The following PEMT variants were observed in gnomAD, a reference collection of about 807,000 sequenced individuals.
PEMT encodes the protein phosphatidylethanolamine N-methyltransferase, also known as phospholipid methyltransferase.
A neutral mutation model predicts 27.4 loss-of-function variants in PEMT; 23 were observed. The ratio of observed to expected loss-of-function variants is 0.84; its 90% CI spans 0.60 to 1.19. The LOEUF (loss-of-function observed/expected upper bound fraction) is 1.19. PEMT is among the 50% of genes most tolerant of loss of function. The probability of loss-of-function intolerance (pLI) is 0.00; values close to 1 mark genes in which losing one functional copy is unlikely to be tolerated. For missense variants in PEMT, 307 were observed against 310.1 expected (o/e 0.99, Z 0.07); for synonymous variants, 137 against 139.1 (o/e 0.98, Z 0.11).
chr17:17,509,659 G>T, intron 4 of PEMT, 114 bp from the exon 5 acceptor site: 1 of 744,446 alleles, frequency 1.3e-6, no homozygotes, highest in South Asian at 1.5e-5. Flanking sequence ...ACAGGGCCCT[G>T]CCCTCCAGGA....
chr17:17,568,638 C>T (rs936546391), intron 2 of PEMT, among the ~76,000 whole-genome samples: 1 of 152,176 alleles, frequency 6.6e-6, no homozygotes, highest in African/African-American at 2.4e-5. Flanking sequence ...CCTACAAGGT[C>T]GGCTTTCCCG....
At chr17:17,578,876 T>C (rs1002219299) in intron 1 of PEMT, 1 of 152,110 alleles carries the variant, frequency 6.6e-6, no homozygotes, top group Non-Finnish European at 1.5e-5. Flanking sequence ...TGTATACCTA[T>C]GTACAAACCT....
At chr17:17,515,372 G>A (rs1465283949) in intron 3 of PEMT, among the ~76,000 whole-genome samples, 2 of 152,230 alleles carry the variant, frequency 1.3e-5, no homozygotes, top group Non-Finnish European at 2.9e-5. Context: ...TCCGGGGCCA[G>A]GGAGCGGGTG....
At chr17:17,588,124 TTCTG>T (rs1303125639) in intron 1 of PEMT, among the ~76,000 whole-genome samples, 1 of 152,126 alleles carries the variant, frequency 6.6e-6, no homozygotes, top group Non-Finnish European at 1.5e-5. Flanking sequence ...CTCCAAGAGT[TTCTG>T]TCATTGTTTT....
intron 3 of PEMT, among the ~76,000 whole-genome samples, chr17:17,514,997 G>A (rs1336027934): frequency 6.6e-6 from 1 of 152,224 alleles, no homozygotes; most frequent in Non-Finnish European, 1.5e-5. Context: ...CCTCGGCCCG[G>A]CAGGGTTTGG....
At chr17:17,547,159 G>A (rs913169992) in intron 2 of PEMT, among the ~76,000 whole-genome samples, 2 of 152,266 alleles carry the variant, frequency 1.3e-5, no homozygotes, top group Admixed American at 6.5e-5. Context: ...AAGGAGCTCC[G>A]AGGTGCTATT....
intron 2 of PEMT, among the ~76,000 whole-genome samples, chr17:17,566,167 A>G (rs1163318902): frequency 2.0e-5 from 3 of 152,214 alleles, no homozygotes; most frequent in Non-Finnish European, 2.9e-5. Context: ...AATGGGGTAA[A>G]GCAAATAACA....
intron 3 of PEMT, among the ~76,000 whole-genome samples, chr17:17,515,105 G>T (rs1233653934): frequency 6.6e-6 from 1 of 152,188 alleles, no homozygotes; most frequent in Non-Finnish European, 1.5e-5. Context: ...AGACGCTGGA[G>T]GGTCACTCTG....
Position 17,553,342 on chromosome 17 carries a change from G to A in PEMT, c.204+23578C>T, listed in dbSNP as rs1007493375. On this transcript the variant is annotated intron_variant, in intron 2 of 6. Coordinates refer to ENST00000255389, the MANE Select transcript of PEMT (RefSeq NM_148172.3). ...GAACTTGGCTGCGGGGATGCAGGGC[G>A]CCTGCACACTTCGGACTTTCCCTGT... is the stretch of plus-strand genomic sequence containing the variant. 2.0e-5 allele frequency among the ~76,000 whole-genome samples: 3 copies of A among 152,192 alleles called. No homozygotes were observed. In the South Asian group the frequency reaches 6.2e-4, roughly 31 times the overall value.
intron 2 of PEMT, among the ~76,000 whole-genome samples, chr17:17,529,422 G>A (rs1185173562): frequency 1.3e-5 from 2 of 152,220 alleles, no homozygotes; most frequent in Admixed American, 6.5e-5. Context: ...ACGTGACACA[G>A]CCTGCTCGAG....
At chr17:17,586,255 AGAAAGAAAGAAAGAAAGAAAGAAAGAAAG>A (rs1912273061) in intron 1 of PEMT, among the ~76,000 whole-genome samples, 17 of 114,616 alleles carry the variant, frequency 1.5e-4, no homozygotes, top group African/African-American at 6.3e-4. Context: ...AAAGAAAGAA[AGAAAGAAAGAAAGAAAGAAAGAAAGAAAG>A]AAAGAAAAAA....
chr17:17,524,833 G>T (rs1260986577), intron 2 of PEMT, among the ~76,000 whole-genome samples: 1 of 152,156 alleles, frequency 6.6e-6, no homozygotes, highest in African/African-American at 2.4e-5. Flanking sequence ...TTTCCAGCTG[G>T]GCGTGGTGGC....
At chr17:17,570,232 T>C (rs1911095975) in intron 2 of PEMT, among the ~76,000 whole-genome samples, 1 of 152,286 alleles carries the variant, frequency 6.6e-6, no homozygotes, top group East Asian at 1.9e-4. Context: ...ATGCCAGGAT[T>C]GGGGACACAG....
chr17:17,567,874 G>A (rs927941129), intron 2 of PEMT, among the ~76,000 whole-genome samples: 3 of 152,236 alleles, frequency 2.0e-5, no homozygotes, highest in Non-Finnish European at 4.4e-5. Flanking sequence ...AGTGCAAGAG[G>A]CCCTGGCAGA....
upstream of PEMT, chr17:17,591,749 T>G: frequency 6.9e-7 from 1 of 1,452,336 alleles, no homozygotes; most frequent in Non-Finnish European, 9.1e-7. Context: ...CCCAACATAT[T>G]CCGGCCTTCT....
chr17:17,564,770 C>T (rs1910711108), intron 2 of PEMT, among the ~76,000 whole-genome samples: 1 of 152,206 alleles, frequency 6.6e-6, no homozygotes. Context: ...CTCACACCCA[C>T]CGCCCATGCC....
chr17:17,577,208 G>A (rs1323574481), intron 1 of PEMT, among the ~76,000 whole-genome samples, 181 bp from the exon 2 acceptor site: 1 of 152,218 alleles, frequency 6.6e-6, no homozygotes, highest in Non-Finnish European at 1.5e-5. Context: ...AACCTAATGA[G>A]CTGTGTCATG....
chr17:17,564,194 C>A lies in PEMT; in HGVS notation c.204+12726G>T, dbSNP rs181605759. Among the ~76,000 whole-genome samples, 19 of 152,280 alleles carry A rather than the reference C, an allele frequency of 1.2e-4. No homozygotes were observed. The East Asian group carries it at 3.5e-3, about 28-fold the overall frequency. ...ACACCAGGTCCTTGGGCCGTGGTGG[C>A]GGCACTGGTCCCACAGTTGCTTCCC... is the stretch of plus-strand genomic sequence containing the variant. On this transcript the variant is annotated intron_variant, in intron 2 of 6. Coordinates refer to ENST00000255389, the MANE Select transcript of PEMT (RefSeq NM_148172.3).
chr17:17,530,753 G>A (rs1908032452), intron 2 of PEMT, among the ~76,000 whole-genome samples: 1 of 152,088 alleles, frequency 6.6e-6, no homozygotes, highest in Admixed American at 6.5e-5. Context: ...TTATGTTACT[G>A]TATTTAGGAT....
Sources: allele counts gnomAD v4.1 joint callset (sites outside exome capture counted in the v4.1 genomes callset), GRCh38; gene constraint gnomAD v4.1.1; transcripts MANE v1.5; gene names NCBI Gene and HGNC (gene_info 2026-07-23, HGNC 2026-07-21).